Variants in PHF21B observed in about 807,000 individuals in gnomAD.
The protein encoded by PHF21B is PHD finger protein 4.
Under a neutral mutation model 62.2 loss-of-function variants are expected in PHF21B, and 22 were observed. The observed-to-expected ratio is 0.35, with a 90% CI of 0.25 to 0.51. The LOEUF is 0.51. Ranked by LOEUF, PHF21B falls within the 20% of genes least tolerant of loss-of-function variation. PHF21B has a pLI of 0.97. For synonymous variants in PHF21B, 341 were observed against 314.7 expected, an observed-to-expected ratio of 1.08 and a Z score of -0.88; for missense variants, 701 against 707.9, an observed-to-expected ratio of 0.99 and a Z score of 0.11.
intron 3 of PHF21B, among the ~76,000 whole-genome samples, chr22:44,919,213 CCCGAT>C (rs58998949): frequency 8.6e-5 from 7 of 81,780 alleles, no homozygotes; most frequent in African/African-American, 5.1e-4. Context: ...TCTGGCATGG[CCCGAT>C]CACCCTGGAC....
intron 5 of PHF21B, among the ~76,000 whole-genome samples, chr22:44,897,820 T>C (rs2147267439): frequency 6.6e-6 from 1 of 152,206 alleles, no homozygotes; most frequent in Admixed American, 6.5e-5. Flanking sequence ...AGTCTTTTTG[T>C]TTTTTAGAGA....
rs372151528 is a variant in PHF21B at position 44,888,033 on chromosome 22, A to G, written c.1127T>C (p.Leu376Pro). Residue 376 changes from leucine to proline, a missense_variant, in exon 10 of 13, where the codon CTC becomes CCC. By Grantham distance (98) the Leu-to-Pro change is moderately conservative. Coordinates refer to ENST00000313237, the MANE Select transcript of PHF21B (RefSeq NM_138415.5). The stretch of plus-strand genomic sequence containing the variant: ...CTTGAGGGGCGGCTCCAGGCAGCTG[A>G]GGTGGTAGGCCCCCGGGCAGGTGCC... ...PCGTCPGAYH[L>P]SCLEPPLKTA... is the part of the protein sequence containing the mutation. 1.3e-6 allele frequency: 2 copies of G among 1,562,168 alleles called. No homozygotes were observed. The highest frequency in any genetic ancestry group is 1.7e-6 in the Non-Finnish European group (2 of 1,154,006).
chr22:44,987,944 C>T (rs1449849405), intron 2 of PHF21B, among the ~76,000 whole-genome samples: 1 of 152,102 alleles, frequency 6.6e-6, no homozygotes, highest in East Asian at 1.9e-4. Flanking sequence ...CCTGAAGATC[C>T]ACGTTGTCCA....
intron 2 of PHF21B, among the ~76,000 whole-genome samples, chr22:44,978,871 C>T (rs2072786143): frequency 6.6e-6 from 1 of 152,212 alleles, no homozygotes; most frequent in African/African-American, 2.4e-5. Context: ...ACCAGGTGGC[C>T]ACTGCTGTGT....
At chr22:44,936,078 G>C (rs1474814351) in intron 2 of PHF21B, among the ~76,000 whole-genome samples, 4 of 152,238 alleles carry the variant, frequency 2.6e-5, no homozygotes, top group Non-Finnish European at 5.9e-5. Context: ...TACTAGGAGA[G>C]GCGGAAACAT....
chr22:44,990,955 A>G (rs931158913), intron 2 of PHF21B, among the ~76,000 whole-genome samples: 1 of 152,250 alleles, frequency 6.6e-6, no homozygotes, highest in Non-Finnish European at 1.5e-5. Flanking sequence ...CCACCTTGGA[A>G]GGTCTAACCA....
At chr22:44,904,471 C>T (rs2071214927) in intron 5 of PHF21B, among the ~76,000 whole-genome samples, 2 of 152,200 alleles carry the variant, frequency 1.3e-5, no homozygotes, top group South Asian at 4.1e-4. Flanking sequence ...AAATGTCTTT[C>T]TTTTGCCCTT....
intron 2 of PHF21B, among the ~76,000 whole-genome samples, chr22:44,979,606 C>T (rs1285995764): frequency 6.6e-6 from 1 of 152,222 alleles, no homozygotes; most frequent in Admixed American, 6.5e-5. Flanking sequence ...GTGCCTCTCC[C>T]CTCTTGGCTC....
At chr22:44,950,142 C>T (rs1484200455) in intron 2 of PHF21B, among the ~76,000 whole-genome samples, 2 of 152,200 alleles carry the variant, frequency 1.3e-5, no homozygotes, top group South Asian at 2.1e-4. Context: ...GACGTGAATA[C>T]CAGCTGTGGT....
intron 2 of PHF21B, among the ~76,000 whole-genome samples, chr22:44,963,048 G>A (rs146824696): frequency 1.3e-5 from 2 of 152,360 alleles, no homozygotes; most frequent in East Asian, 3.9e-4. Flanking sequence ...CTGGAAATGA[G>A]GAAGCTGAGC....
intron 2 of PHF21B, among the ~76,000 whole-genome samples, chr22:44,928,922 C>A (rs958083042): frequency 6.6e-6 from 1 of 152,162 alleles, no homozygotes; most frequent in African/African-American, 2.4e-5. Context: ...GGGCTGAGGA[C>A]CCACAGGCCT....
intron 2 of PHF21B, among the ~76,000 whole-genome samples, chr22:44,964,905 T>A (rs1309351962): frequency 6.6e-6 from 1 of 152,188 alleles, no homozygotes; most frequent in Non-Finnish European, 1.5e-5. Context: ...CTCTGCAGTG[T>A]GAGGCCGGGC....
chr22:44,891,146 T>C (rs962803100), intron 8 of PHF21B, among the ~76,000 whole-genome samples, 160 bp downstream of exon 8: 4 of 151,272 alleles, frequency 2.6e-5, no homozygotes, highest in African/African-American at 9.7e-5. Context: ...AGCGGGGAGG[T>C]GGGAGGCTCC....
Position 45,009,116 on chromosome 22 carries a change from G to T in PHF21B, c.54+380C>A. Reference sequence around the variant, plus strand: ...CAAAACTACTTCTGCACACCGGGCAGGTTCGCCCGGGGCGCGGGGGCCCGA... The same window carrying T: ...CAAAACTACTTCTGCACACCGGGCATGTTCGCCCGGGGCGCGGGGGCCCGA... On this transcript the variant is annotated intron_variant, in intron 1 of 12. Transcript: ENST00000313237. The surrounding 1 kb of genome is among the most constrained non-coding windows in gnomAD (Gnocchi z 5.9). 1 of 911,570 alleles carries T rather than the reference G, an allele frequency of 1.1e-6. No homozygotes were observed. The highest frequency in any genetic ancestry group is 1.4e-6 in the Non-Finnish European group (1 of 712,432). The allele number at this position is 911,570 out of a possible 1,614,324, so 56.5% of individuals were successfully genotyped here.
intron 2 of PHF21B, among the ~76,000 whole-genome samples, chr22:44,971,929 A>G (rs568683495): frequency 3.9e-5 from 6 of 152,350 alleles, no homozygotes; most frequent in East Asian, 1.9e-4. Context: ...TAATAAACAC[A>G]TAAGAAAACA....
At chr22:44,925,998 T>C (rs1388164082) in intron 2 of PHF21B, among the ~76,000 whole-genome samples, 1 of 67,054 alleles carries the variant, frequency 1.5e-5, no homozygotes, top group African/African-American at 3.8e-5. Context: ...TCCACCCAAC[T>C]GGGGCCGCAG....
At chr22:44,930,961 C>T (rs1031133128) in intron 2 of PHF21B, among the ~76,000 whole-genome samples, 3 of 152,204 alleles carry the variant, frequency 2.0e-5, no homozygotes, top group Non-Finnish European at 2.9e-5. Context: ...CCAGCAGCTC[C>T]GGAGAGGTGA....
At chr22:44,892,759 A>G (rs1163562454) in intron 7 of PHF21B, among the ~76,000 whole-genome samples, 1 of 152,180 alleles carries the variant, frequency 6.6e-6, no homozygotes, top group African/African-American at 2.4e-5. Context: ...GGCTTTGGGG[A>G]GATGACATTA....
chr22:44,926,984 G>C (rs534724080), intron 2 of PHF21B, among the ~76,000 whole-genome samples: 232 of 152,124 alleles, frequency 1.5e-3, no homozygotes, highest in African/African-American at 5.3e-3. Context: ...TGTGTTTCTG[G>C]GCCTCATATC....
Sources: gnomAD v4.1 joint callset for allele counts (sites outside exome capture counted in the v4.1 genomes callset) on GRCh38, gnomAD v4.1.1 for gene constraint, Gnocchi (gnomAD v3.1) non-coding constraint, MANE v1.5 for transcripts, NCBI Gene and HGNC (gene_info 2026-07-23, HGNC 2026-07-21) for gene names.